LRP1B: variants seen among roughly 807,000 people sequenced by gnomAD.
The protein encoded by LRP1B is low-density lipoprotein receptor-related protein 1B.
Under a neutral mutation model 556.6 loss-of-function variants are expected in LRP1B, and 217 were observed. The observed-to-expected ratio is 0.39, with a 90% CI of 0.35 to 0.44. The LOEUF (loss-of-function observed/expected upper bound fraction) is 0.44, where lower values mean the gene tolerates loss of function less well. Among genes scored for constraint, LRP1B ranks in the 20% least tolerant of loss-of-function variants. LRP1B has a pLI of 1.00. For missense variants in LRP1B, 5,053 were observed against 5,620.8 expected (o/e 0.90, Z 3.23); for synonymous variants, 2,047 against 1,865.8 (o/e 1.10, Z -2.50).
intron 41 of LRP1B, among the ~76,000 whole-genome samples, chr2:140,604,773 G>C (rs1357935608): frequency 6.6e-6 from 1 of 151,952 alleles, no homozygotes; most frequent in Non-Finnish European, 1.5e-5. Flanking sequence ...TTGTAGGAGG[G>C]ACCCAGTCGG....
intron 6 of LRP1B, among the ~76,000 whole-genome samples, chr2:141,222,483 T>C (rs1193878588): frequency 3.9e-5 from 6 of 152,192 alleles, no homozygotes; most frequent in South Asian, 2.1e-4. Context: ...CTTCTGAAAC[T>C]ATTCCAAGCA....
intron 2 of LRP1B, among the ~76,000 whole-genome samples, chr2:141,600,659 C>T (rs528943844): frequency 2.6e-5 from 4 of 152,250 alleles, no homozygotes; most frequent in African/African-American, 7.2e-5. Flanking sequence ...ACCACAGCAC[C>T]TAATAGCAGG....
chr2:140,700,218 C>T (rs1479016833), intron 41 of LRP1B, 32 bp downstream of exon 41: 1 of 1,562,132 alleles, frequency 6.4e-7, no homozygotes, highest in Non-Finnish European at 8.8e-7. Context: ...ATACTCATTT[C>T]CACCTATTTA....
chr2:140,441,212 G>A (rs1402223603), intron 66 of LRP1B, among the ~76,000 whole-genome samples: 1 of 152,006 alleles, frequency 6.6e-6, no homozygotes, highest in Non-Finnish European at 1.5e-5. Flanking sequence ...AGGAAGGAGA[G>A]GAAAATACAG....
In LRP1B at chr2:140,559,964, A is replaced by G. The variant is rs1355708002; in HGVS notation, c.7195-17993T>C. Among the ~76,000 whole-genome samples, 9 of 152,182 alleles carry G rather than the reference A, an allele frequency of 5.9e-5. No homozygotes were observed. The East Asian group carries it at 1.3e-3, about 23-fold the overall frequency. ...ACAATGAGGATTACAATATTTACATAGTTTCAAAAACTCTTCCTACAAGAA... is the reference window on the plus strand; with the variant it reads ...ACAATGAGGATTACAATATTTACATGGTTTCAAAAACTCTTCCTACAAGAA... On this transcript the variant is annotated intron_variant, in intron 43 of 90. Transcript: ENST00000389484.
intron 5 of LRP1B, among the ~76,000 whole-genome samples, chr2:141,242,737 C>T (rs557824880): frequency 1.3e-5 from 2 of 152,168 alleles, no homozygotes; most frequent in East Asian, 3.9e-4. Flanking sequence ...ACTATTGCTT[C>T]AGTGCAATCA....
chr2:140,831,172 C>T (rs1490460053), intron 31 of LRP1B, among the ~76,000 whole-genome samples: 10 of 152,018 alleles, frequency 6.6e-5, no homozygotes, highest in Non-Finnish European at 1.3e-4. Context: ...TATCAAGAAA[C>T]CAATGATGTT....
At chr2:141,818,931 A>G (rs1453624080) in intron 1 of LRP1B, among the ~76,000 whole-genome samples, 1 of 151,470 alleles carries the variant, frequency 6.6e-6, no homozygotes, top group Non-Finnish European at 1.5e-5. Flanking sequence ...GTCTAATGGC[A>G]TTTTAGATCC....
At chr2:141,029,796 C>T (rs1427557147) in intron 11 of LRP1B, among the ~76,000 whole-genome samples, 1 of 152,060 alleles carries the variant, frequency 6.6e-6, no homozygotes, top group African/African-American at 2.4e-5. Context: ...GTTTATTCCC[C>T]ACCATCCTTT....
chr2:141,652,148 C>T (rs1337668770), intron 2 of LRP1B, among the ~76,000 whole-genome samples: 1 of 152,128 alleles, frequency 6.6e-6, no homozygotes, highest in Admixed American at 6.5e-5. Context: ...CTCTATTTAG[C>T]ATTATAGTGA....
At chr2:142,085,785 T>A (rs1381609978) in intron 1 of LRP1B, among the ~76,000 whole-genome samples, 1 of 152,178 alleles carries the variant, frequency 6.6e-6, no homozygotes, top group African/African-American at 2.4e-5. Context: ...CCAAGTTGTA[T>A]CTGAGTGTGG....
intron 3 of LRP1B, among the ~76,000 whole-genome samples, chr2:141,273,019 A>G (rs967677447): frequency 6.6e-6 from 1 of 152,190 alleles, no homozygotes; most frequent in Admixed American, 6.5e-5. Context: ...TACCTATTGC[A>G]ACACTTATGC....
chr2:140,857,730 CAG>C (rs1692661752), intron 27 of LRP1B, among the ~76,000 whole-genome samples: 1 of 152,148 alleles, frequency 6.6e-6, no homozygotes, highest in Non-Finnish European at 1.5e-5. Flanking sequence ...GGTATCTCTA[CAG>C]AGAGAGTTTT....
intron 2 of LRP1B, among the ~76,000 whole-genome samples, chr2:141,690,562 AT>A (rs1691490692): frequency 6.7e-6 from 1 of 150,078 alleles, no homozygotes; most frequent in Non-Finnish European, 1.5e-5. Context: ...TCAACTGCAA[AT>A]AAACTAAGAA....
intron 7 of LRP1B, among the ~76,000 whole-genome samples, chr2:141,112,682 G>A (rs1456624909): frequency 6.6e-6 from 1 of 152,108 alleles, no homozygotes; most frequent in Non-Finnish European, 1.5e-5. Context: ...AAAATGTTGT[G>A]ACCAGAAGCC....
chr2:140,992,022 C>T (rs1459511258), intron 16 of LRP1B, among the ~76,000 whole-genome samples: 1 of 151,836 alleles, frequency 6.6e-6, no homozygotes, highest in East Asian at 1.9e-4. Context: ...ATAAATATCG[C>T]TCTGAAAATA....
chr2:140,558,867 T>C (rs570445100), intron 43 of LRP1B, among the ~76,000 whole-genome samples: 231 of 149,850 alleles, frequency 1.5e-3, no homozygotes, highest in Non-Finnish European at 2.7e-3. Context: ...ACCTGGGAGG[T>C]AGAGGCTGCA....
chr2:141,973,381 A>G (rs141111537), intron 1 of LRP1B, among the ~76,000 whole-genome samples: 6 of 151,838 alleles, frequency 4.0e-5, no homozygotes, highest in African/African-American at 1.4e-4. Flanking sequence ...TACTTTTGAG[A>G]TTTTTTAGGA....
At chr2:141,327,034 AG>A (rs988874098) in intron 3 of LRP1B, among the ~76,000 whole-genome samples, 1 of 152,152 alleles carries the variant, frequency 6.6e-6, no homozygotes, top group African/African-American at 2.4e-5. Context: ...GCTAACAATG[AG>A]AGATAAATGA....
Sources: gnomAD v4.1 joint callset for allele counts (sites outside exome capture counted in the v4.1 genomes callset) on GRCh38, gnomAD v4.1.1 for gene constraint, MANE v1.5 for transcripts, NCBI Gene and HGNC (gene_info 2026-07-23, HGNC 2026-07-21) for gene names.